The following ZNF469 variants were observed in gnomAD, a reference collection of about 807,000 sequenced individuals.
ZNF469 encodes the protein zinc finger protein 469.
Under a neutral mutation model 1.0 loss-of-function variants are expected in ZNF469, and 1 was observed. That is an observed-to-expected ratio of 1.00 (90% confidence interval 0.35 to 4.73). ZNF469 has a LOEUF of 4.73. Ranked by LOEUF, ZNF469 falls within the 30% of genes most tolerant of loss-of-function variation. The pLI, the probability that ZNF469 is intolerant of heterozygous loss-of-function variation, is 0.16. For missense variants in ZNF469, 6,100 were observed against 5,356.3 expected (o/e 1.14, Z -4.33); for synonymous variants, 2,703 against 2,363.4 (o/e 1.14, Z -4.17).
At chr16:88,167,497 G>A in the ZNF469 span, among the ~76,000 whole-genome samples, 3 of 152,170 alleles carry the variant, frequency 2.0e-5, no homozygotes, top group Non-Finnish European at 2.9e-5. Flanking sequence ...CCAGGCTGCT[G>A]CTTGACCGCC....
chr16:88,388,757 C>T (rs1243789601), intron 1 of ZNF469, among the ~76,000 whole-genome samples: 1 of 150,730 alleles, frequency 6.6e-6, no homozygotes, highest in African/African-American at 2.4e-5. Context: ...CTGTAGAAGC[C>T]GGAGAGCCTG....
At chr16:88,363,973 G>C in the ZNF469 span, among the ~76,000 whole-genome samples, 1 of 152,206 alleles carries the variant, frequency 6.6e-6, no homozygotes, top group Non-Finnish European at 1.5e-5. Context: ...GTGAACCGAT[G>C]ATTTTAATTT....
chr16:88,115,975 G>T, the ZNF469 span, among the ~76,000 whole-genome samples: 1 of 152,230 alleles, frequency 6.6e-6, no homozygotes, highest in East Asian at 1.9e-4. Flanking sequence ...GTCATCCAGG[G>T]TGGCCTCCCC....
the ZNF469 span, among the ~76,000 whole-genome samples, chr16:88,262,956 T>G: frequency 4.6e-5 from 7 of 152,346 alleles, no homozygotes; most frequent in African/African-American, 1.7e-4. This position sits in a 1 kb window ranked among gnomAD's most constrained non-coding sequence, Gnocchi z 4.3. Context: ...CTGGGCTCCC[T>G]CTCAGTGGAG....
At chr16:88,271,704 G>T in the ZNF469 span, among the ~76,000 whole-genome samples, 2 of 151,124 alleles carry the variant, frequency 1.3e-5, no homozygotes, top group Admixed American at 6.6e-5. Context: ...CAGCAGGCAG[G>T]TCCAATGGAG....
chr16:88,172,769 T>C, the ZNF469 span, among the ~76,000 whole-genome samples: 1 of 152,156 alleles, frequency 6.6e-6, no homozygotes. Flanking sequence ...ATTAAGCATA[T>C]AAAAGGTCAC....
At chr16:88,134,607 G>A in the ZNF469 span, among the ~76,000 whole-genome samples, 1 of 152,204 alleles carries the variant, frequency 6.6e-6, no homozygotes, top group Non-Finnish European at 1.5e-5. Context: ...TAAAAGCCAG[G>A]CGGATGTCCA....
chr16:88,333,077 T>C, the ZNF469 span, among the ~76,000 whole-genome samples: 2 of 152,100 alleles, frequency 1.3e-5, no homozygotes, highest in Non-Finnish European at 2.9e-5. Flanking sequence ...CGGTAAACCT[T>C]AGAGGGAGGA....
the ZNF469 span, among the ~76,000 whole-genome samples, chr16:88,370,262 G>A: frequency 6.6e-6 from 1 of 152,222 alleles, no homozygotes; most frequent in Non-Finnish European, 1.5e-5. Flanking sequence ...CTTCTGGTGA[G>A]AGCATATGTA....
chr16:88,164,672 G>A, the ZNF469 span, among the ~76,000 whole-genome samples: 125,532 of 152,196 alleles, frequency 0.82, 52,227 homozygotes, highest in African/African-American at 0.86. Context: ...TGATTTCACT[G>A]TGCTTTATGG....
At chr16:88,138,679 C>T in the ZNF469 span, among the ~76,000 whole-genome samples, 1 of 152,206 alleles carries the variant, frequency 6.6e-6, no homozygotes, top group African/African-American at 2.4e-5. Context: ...GCCATGTGAC[C>T]AAATTCACCT....
the ZNF469 span, among the ~76,000 whole-genome samples, chr16:88,354,138 G>A: frequency 6.6e-6 from 1 of 152,222 alleles, no homozygotes; most frequent in Non-Finnish European, 1.5e-5. Flanking sequence ...TCAGTGGCTA[G>A]GTGACAGCTC....
chr16:88,428,244 T>G lies in ZNF469; in HGVS notation c.774T>G (p.Ile258Met). 1 of 1,550,324 alleles carries G rather than the reference T, an allele frequency of 6.5e-7. No homozygotes were observed. The highest frequency in any genetic ancestry group is 8.7e-7 in the Non-Finnish European group (1 of 1,146,914). ...TTCCCCCCGCCGAGCCGGAACCTAT[T>G]CCCAAAGGCAGCAGGCCCGGCGGCA... is the stretch of plus-strand genomic sequence containing the variant. Reference protein sequence around the residue: ...FGVPPAEPEPIPKGSRPGGSP... With the variant: ...FGVPPAEPEPMPKGSRPGGSP... Residue 258 changes from isoleucine to methionine, a missense_variant, in exon 3 of 3, where the codon ATT (isoleucine) becomes ATG (methionine). Coordinates refer to ENST00000565624, the MANE Select transcript of ZNF469 (RefSeq NM_001367624.2).
Position 88,436,610 on chromosome 16 carries a change from A to C in ZNF469, c.9140A>C (p.Glu3047Ala). The change falls in exon 3 of 3, where the codon GAG (glutamate) becomes GCG (alanine). Residue 3047 changes from glutamate to alanine, a missense_variant. Physicochemically the swap from Glu to Ala is moderately radical, Grantham distance 107. Transcript: ENST00000565624. ...CTGCCGCTCCGTGCCACGGACTTTG[A>C]GGTGCTCAGCACCAAGTTTGAGATG... Reference protein sequence around the residue: ...HLLPLRATDFEVLSTKFEMQD... With the variant: ...HLLPLRATDFAVLSTKFEMQD... The C allele has an allele frequency of 6.5e-7, 1 of 1,550,248 alleles. No homozygotes were observed. The highest frequency in any genetic ancestry group is 8.7e-7 in the Non-Finnish European group (1 of 1,146,966).
At chr16:88,317,762 A>G in the ZNF469 span, among the ~76,000 whole-genome samples, 3 of 152,346 alleles carry the variant, frequency 2.0e-5, no homozygotes, top group Middle Eastern at 3.4e-3. Flanking sequence ...TTGAGTCCCC[A>G]GGAACTTACA....
At chr16:88,236,840 C>T in the ZNF469 span, among the ~76,000 whole-genome samples, 15 of 148,732 alleles carry the variant, frequency 1.0e-4, no homozygotes, top group East Asian at 2.0e-4. Context: ...GCAGACACAG[C>T]GAGACTCTGT....
the ZNF469 span, among the ~76,000 whole-genome samples, chr16:88,325,077 G>T: frequency 2.0e-5 from 3 of 152,120 alleles, no homozygotes; most frequent in South Asian, 6.2e-4. Context: ...GCAGCTTCTG[G>T]TTGAGATCAC....
At chr16:88,176,541 G>C in the ZNF469 span, among the ~76,000 whole-genome samples, 9 of 152,364 alleles carry the variant, frequency 5.9e-5, no homozygotes, top group African/African-American at 1.9e-4. Flanking sequence ...TAGCAGAGAC[G>C]CAATGGCGGC....
At chr16:88,374,668 A>C in the ZNF469 span, among the ~76,000 whole-genome samples, 20 of 147,178 alleles carry the variant, frequency 1.4e-4, no homozygotes, top group Non-Finnish European at 2.8e-4. Flanking sequence ...ACACTAACCC[A>C]GAGTTTCATT....
Sources: allele counts gnomAD v4.1 joint callset (sites outside exome capture counted in the v4.1 genomes callset), GRCh38; gene constraint gnomAD v4.1.1; non-coding constraint Gnocchi (gnomAD v3.1); transcripts MANE v1.5; gene names NCBI Gene and HGNC (gene_info 2026-07-23, HGNC 2026-07-21).